Variants in UBE2F observed in about 807,000 individuals in gnomAD.
UBE2F encodes ubiquitin conjugating enzyme E2 F (putative).
In UBE2F, 5 loss-of-function variants were observed where a neutral mutation model predicts 29.6. The observed-to-expected ratio is 0.17, with a 90% CI of 0.09 to 0.36. The LOEUF (loss-of-function observed/expected upper bound fraction) is 0.36. UBE2F is among the 10% of genes least tolerant of loss of function. The probability of loss-of-function intolerance (pLI) is 1.00; values close to 1 mark genes in which losing one functional copy is unlikely to be tolerated. For synonymous variants in UBE2F, 66 were observed against 81.8 expected (o/e 0.81, Z 1.04); for missense variants, 141 against 228.5 (o/e 0.62, Z 2.47).
chr2:237,995,092 A>G lies in UBE2F; in HGVS notation c.214+283A>G, dbSNP rs567758425. Among the ~76,000 whole-genome samples, 3 of 152,306 alleles carry G rather than the reference A, an allele frequency of 2.0e-5. No individual in the cohort carries two copies. In the East Asian group the frequency reaches 5.8e-4, roughly 29 times the overall value. On this transcript the variant is annotated intron_variant, in intron 4 of 9. Coordinates refer to ENST00000272930, the MANE Select transcript of UBE2F (RefSeq NM_080678.3). ...GTATAGTGAAGAGTGTGGGCTCTGAAGTCATAAGTGGGTTCCAATCCTTTT... is the reference window on the plus strand; with the variant it reads ...GTATAGTGAAGAGTGTGGGCTCTGAGGTCATAAGTGGGTTCCAATCCTTTT...
intron 4 of UBE2F, among the ~76,000 whole-genome samples, chr2:238,011,238 G>A (rs1413950243): frequency 6.6e-6 from 1 of 152,174 alleles, no homozygotes; most frequent in African/African-American, 2.4e-5. Context: ...TTGGGCTCAG[G>A]TCCTCTTCCT....
intron 4 of UBE2F, among the ~76,000 whole-genome samples, chr2:238,001,113 C>G (rs1468233501): frequency 6.6e-6 from 1 of 150,726 alleles, no homozygotes; most frequent in East Asian, 2.0e-4. Context: ...CGGCTCACCG[C>G]AACCTCCGCT....
At chr2:237,996,713 T>G (rs896921466) in intron 4 of UBE2F, among the ~76,000 whole-genome samples, 2 of 152,200 alleles carry the variant, frequency 1.3e-5, no homozygotes, top group African/African-American at 4.8e-5. Flanking sequence ...TAACCTCAGG[T>G]GATCTGCCAG....
intron 5 of UBE2F, among the ~76,000 whole-genome samples, chr2:238,023,489 CAAAT>C (rs930203193): frequency 3.6e-4 from 55 of 151,812 alleles, no homozygotes; most frequent in African/African-American, 1.2e-3. Context: ...TTGCTTTATA[CAAAT>C]AAATAAAAAG....
intron 2 of UBE2F, among the ~76,000 whole-genome samples, chr2:237,983,363 G>A (rs555424126): frequency 6.6e-6 from 1 of 152,390 alleles, no homozygotes; most frequent in East Asian, 1.9e-4. Context: ...GGGAGTGGCT[G>A]TGGGTGGGCT....
intron 4 of UBE2F, among the ~76,000 whole-genome samples, chr2:238,010,357 A>G (rs1383433024): frequency 3.3e-5 from 5 of 152,146 alleles, no homozygotes; most frequent in East Asian, 1.9e-4. Context: ...TATTCTTAGT[A>G]TAGACGGGTT....
intron 4 of UBE2F, chr2:238,003,588 G>T (rs866555343): frequency 7.1e-6 from 2 of 281,100 alleles, no homozygotes; most frequent in Non-Finnish European, 1.5e-5. Context: ...ACAGATTCTG[G>T]TGGTCTCCAG....
chr2:237,995,644 T>C (rs1473283906), intron 4 of UBE2F, among the ~76,000 whole-genome samples: 10 of 152,332 alleles, frequency 6.6e-5, no homozygotes, highest in Admixed American at 5.2e-4. Flanking sequence ...AGGATTTTGG[T>C]AGGTGGCAAT....
At position 237,990,738 on chromosome 2, in the gene UBE2F, G is replaced by A. The variant is rs372079637; in HGVS notation, c.148+2746G>A. ...ATAGCACCAGTGCACTCCAACCTGG[G>A]CGACAGAGTGAGACTCTGTCTCAAA... On this transcript the variant is annotated intron_variant, in intron 3 of 9. Transcript: ENST00000272930. 5.3e-4 allele frequency among the ~76,000 whole-genome samples: 80 copies of A among 150,786 alleles called. No individual in the cohort carries two copies. In the East Asian group the frequency reaches 0.012, roughly 22 times the overall value.
chr2:237,973,814 AT>A (rs2063220352), intron 2 of UBE2F: 2 of 591,192 alleles, frequency 3.4e-6, no homozygotes, highest in Admixed American at 1.1e-4. Flanking sequence ...GCATGCAGAT[AT>A]GCATTCATTT....
chr2:237,983,258 C>G (rs897564473), intron 2 of UBE2F, among the ~76,000 whole-genome samples: 1 of 152,228 alleles, frequency 6.6e-6, no homozygotes, highest in African/African-American at 2.4e-5. Flanking sequence ...AACTCTTTCT[C>G]CTCTTCTCCC....
intron 3 of UBE2F, among the ~76,000 whole-genome samples, chr2:237,992,010 A>G (rs2063602038): frequency 6.6e-6 from 1 of 152,014 alleles, no homozygotes; most frequent in African/African-American, 2.4e-5. Context: ...GATTACAGGC[A>G]TGCGCCATTA....
intron 8 of UBE2F, chr2:238,032,483 C>T (rs1348274303): frequency 2.1e-6 from 1 of 486,076 alleles, no homozygotes; most frequent in Non-Finnish European, 3.7e-6. Context: ...GGCATAGTGG[C>T]ACATGTCTGT....
At chr2:237,999,609 T>A (rs1283348907) in intron 4 of UBE2F, among the ~76,000 whole-genome samples, 1 of 152,172 alleles carries the variant, frequency 6.6e-6, no homozygotes, top group East Asian at 1.9e-4. Flanking sequence ...ATCCAGCTGT[T>A]TCAATGAAAA....
chr2:237,993,929 G>A (rs1275147204), intron 3 of UBE2F, among the ~76,000 whole-genome samples: 1 of 152,074 alleles, frequency 6.6e-6, no homozygotes, highest in Non-Finnish European at 1.5e-5. Context: ...GGCCTCTTAT[G>A]ATTTGGACCA....
chr2:237,969,691 A>G (rs1203496380), intron 1 of UBE2F, among the ~76,000 whole-genome samples: 1 of 152,132 alleles, frequency 6.6e-6, no homozygotes. Flanking sequence ...CTGGGAAGGG[A>G]GACACTGTTC....
chr2:237,967,406 G>C lies in UBE2F; in HGVS notation c.-17+274G>C, dbSNP rs975219127. Among the ~76,000 whole-genome samples, 1 of 150,988 alleles carries C rather than the reference G, an allele frequency of 6.6e-6. No individual in the cohort carries two copies. The highest frequency in any genetic ancestry group is 2.4e-5 in the African/African-American group (1 of 41,292). ...TCGCCCGGCAGTGAGTGACCGCGGC[G>C]GCGGCGGCGGGGGACGGCCCGCGCC... On this transcript the variant is annotated intron_variant, in intron 1 of 9. Coordinates refer to ENST00000272930, the MANE Select transcript of UBE2F (RefSeq NM_080678.3). The surrounding 1 kb of genome is among the most constrained non-coding windows in gnomAD (Gnocchi z 6.3).
At chr2:238,038,973 G>GC (rs2064780352) in intron 9 of UBE2F, among the ~76,000 whole-genome samples, 1 of 152,238 alleles carries the variant, frequency 6.6e-6, no homozygotes, top group Non-Finnish European at 1.5e-5. Flanking sequence ...CGTGGCTCAC[G>GC]CCTGTAATCC....
intron 4 of UBE2F, among the ~76,000 whole-genome samples, chr2:238,006,766 T>C (rs74741096): frequency 2.2e-5 from 3 of 134,406 alleles, no homozygotes; most frequent in Non-Finnish European, 3.2e-5. Flanking sequence ...TTTCTTTTTT[T>C]TTTTTTTTTT....
Sources: allele counts gnomAD v4.1 joint callset (sites outside exome capture counted in the v4.1 genomes callset), GRCh38; gene constraint gnomAD v4.1.1; non-coding constraint Gnocchi (gnomAD v3.1); transcripts MANE v1.5; gene names NCBI Gene and HGNC (gene_info 2026-07-23, HGNC 2026-07-21).